KIAA0586: variants seen among roughly 807,000 people sequenced by gnomAD.
The protein encoded by KIAA0586 is KIAA0586, also known as protein TALPID3.
Under a neutral mutation model 169.8 loss-of-function variants are expected in KIAA0586, and 144 were observed. The ratio of observed to expected loss-of-function variants is 0.85; its 90% confidence interval spans 0.74 to 0.97. The LOEUF (loss-of-function observed/expected upper bound fraction) is 0.97. Among genes scored for constraint, KIAA0586 ranks in the 50% least tolerant of loss-of-function variants. The pLI, the probability that KIAA0586 is intolerant of heterozygous loss-of-function variation, is 0.00. For missense variants in KIAA0586, 1,854 were observed against 1,823.0 expected, an observed-to-expected ratio of 1.02 and a Z score of -0.31; for synonymous variants, 625 against 612.4, an observed-to-expected ratio of 1.02 and a Z score of -0.30.
Position 58,448,416 on chromosome 14 carries a change from A to G in KIAA0586, c.884A>G (p.Lys295Arg), listed in dbSNP as rs1177996997. The change falls in exon 7 of 31, where the codon AAG (lysine) becomes AGG (arginine). Residue 295 changes from lysine to arginine, a missense_variant. By Grantham distance (26) the Lys-to-Arg change is conservative (BLOSUM62 2). Transcript: ENST00000652326. ...ATGCCCTCCTCCAGAGCAGTGGAAA[A>G]GTATTCCGTAAAACCAGAACACCCT... ...VSMPSSRAVE[K>R]YSVKPEHPNL... The G allele has an allele frequency of 6.2e-7, 1 of 1,611,266 alleles. No homozygotes were observed. Among genetic ancestry groups the G allele is most frequent in the Non-Finnish European group, 8.5e-7 (1 of 1,177,552 alleles).
At chr14:58,521,733 G>T (rs564719424) in intron 29 of KIAA0586, 1 of 836,716 alleles carries the variant, frequency 1.2e-6, no homozygotes, top group Non-Finnish European at 2.1e-6. Flanking sequence ...AATTGAAAAG[G>T]AACAGGGGAA....
At chr14:58,475,546 A>C (rs932324489) in intron 19 of KIAA0586, among the ~76,000 whole-genome samples, 1 of 152,178 alleles carries the variant, frequency 6.6e-6, no homozygotes, top group African/African-American at 2.4e-5. Flanking sequence ...AACAAGCTGT[A>C]ATATGTTATT....
intron 4 of KIAA0586, chr14:58,441,125 C>T: frequency 4.7e-6 from 1 of 211,380 alleles, no homozygotes; most frequent in African/African-American, 2.3e-5. Flanking sequence ...TCAATTATAC[C>T]TCAGTAAAGT....
At chr14:58,494,637 T>C (rs1174296579) in intron 26 of KIAA0586, among the ~76,000 whole-genome samples, 1 of 152,092 alleles carries the variant, frequency 6.6e-6, no homozygotes, top group African/African-American at 2.4e-5. Context: ...GTCCCTGCTG[T>C]TTGCTGTTAC....
At chr14:58,499,741 T>C (rs2043424319) in intron 27 of KIAA0586, among the ~76,000 whole-genome samples, 1 of 151,668 alleles carries the variant, frequency 6.6e-6, no homozygotes, top group Middle Eastern at 3.2e-3. Context: ...GTATTTTTAT[T>C]AGAGACAGGG....
In KIAA0586 at chr14:58,515,409, G is replaced by A. The variant is rs370427696; in HGVS notation, c.4429+2782G>A. ...GCACCTTTTATACTCATATAGCTGT[G>A]ACAATAACTTTAAATATGTGAACAT... On this transcript the variant is annotated intron_variant, in intron 29 of 30. Transcript: ENST00000652326. Among the ~76,000 whole-genome samples the A allele has an allele frequency of 9.2e-5, 14 of 152,186 alleles. 1 individual carries two copies. Among genetic ancestry groups the A allele is most frequent in the Admixed American group, 8.5e-4 (13 of 15,264 alleles).
intron 22 of KIAA0586, 119 bp downstream of exon 22, chr14:58,487,285 T>A (rs1392043587): frequency 1.1e-6 from 1 of 898,244 alleles, no homozygotes; most frequent in Non-Finnish European, 1.6e-6. Flanking sequence ...CAAGGAAATT[T>A]AGGAATTGAT....
intron 29 of KIAA0586, among the ~76,000 whole-genome samples, chr14:58,531,718 A>G (rs2045980511): frequency 6.6e-6 from 1 of 152,228 alleles, no homozygotes; most frequent in Non-Finnish European, 1.5e-5. Flanking sequence ...ATTCTGCTAT[A>G]AAGACACATG....
chr14:58,539,518 C>A (rs559851798), intron 29 of KIAA0586, among the ~76,000 whole-genome samples: 13 of 152,260 alleles, frequency 8.5e-5, no homozygotes, highest in African/African-American at 2.9e-4. Flanking sequence ...AGTTAACTTT[C>A]CGATTCTCTG....
chr14:58,453,426 C>T lies in KIAA0586; in HGVS notation c.1206C>T (p.Thr402=), dbSNP rs779005063. 3.3e-6 allele frequency: 5 copies of T among 1,521,540 alleles called. No individual in the cohort carries two copies. Among genetic ancestry groups the T allele is most frequent in the East Asian group, 4.9e-5 (2 of 40,562 alleles). The allele number at this position is 1,521,540 out of a possible 1,614,324, so 94.3% of individuals were successfully genotyped here. Residue 402 remains threonine (T), a synonymous_variant, in exon 9 of 31, where the codon ACC becomes ACT. Transcript: ENST00000652326. ...LTRKSESSNT[T]SLTRSKIGWT... ...GAAAAAGTGAATCATCAAACACCACCTCACTAACTAGGTCAAAAATAGGAT... is the reference window on the plus strand; with the variant it reads ...GAAAAAGTGAATCATCAAACACCACTTCACTAACTAGGTCAAAAATAGGAT...
chr14:58,536,105 A>T (rs1019754253), intron 29 of KIAA0586, among the ~76,000 whole-genome samples: 4 of 152,112 alleles, frequency 2.6e-5, no homozygotes, highest in South Asian at 2.1e-4. Context: ...TCAATTTTTT[A>T]AAAATACCAA....
intron 21 of KIAA0586, among the ~76,000 whole-genome samples, chr14:58,486,422 A>C (rs981458658): frequency 2.6e-5 from 4 of 152,094 alleles, no homozygotes; most frequent in African/African-American, 9.7e-5. Flanking sequence ...ATATGAGTGC[A>C]TGTGTCTTTT....
rs1016362422 is a variant in KIAA0586 at position 58,446,429 on chromosome 14, A to T, written c.808-1911A>T. Among the ~76,000 whole-genome samples the T allele has an allele frequency of 1.6e-4, 24 of 152,028 alleles. No homozygotes were observed. In the East Asian group the frequency reaches 4.7e-3, roughly 30 times the overall value. On this transcript the variant is annotated intron_variant, in intron 6 of 30. Transcript: ENST00000652326. ...GGGGAATCACTTGAATCCGGAAGGC[A>T]GAGGTTGCAGTGAGTTGAGATTGGG... is the stretch of plus-strand genomic sequence containing the variant.
Position 58,445,126 on chromosome 14 carries a change from TACAC to T in KIAA0586, c.807+971_807+974del, listed in dbSNP as rs140476366. 9.8e-4 allele frequency among the ~76,000 whole-genome samples: 142 copies of T among 144,238 alleles called. No homozygotes were observed. The Middle Eastern group carries it at 0.018, about 18-fold the overall frequency. The allele number at this position is 144,238 out of a possible 152,430, so 94.6% of individuals were successfully genotyped here. On this transcript the variant is annotated intron_variant, in intron 6 of 30. Coordinates refer to ENST00000652326, the MANE Select transcript of KIAA0586 (RefSeq NM_001329943.3). ...AGAACTATATACACACACACATACATACACACACACACACACACACACATATACA... is the reference window on the plus strand; with the variant it reads ...AGAACTATATACACACACACATACATACACACACACACACACACATATACA...
At chr14:58,484,799 G>C (rs762443426) in intron 21 of KIAA0586, among the ~76,000 whole-genome samples, 2 of 142,602 alleles carry the variant, frequency 1.4e-5, no homozygotes, top group African/African-American at 5.2e-5. Flanking sequence ...ATCTTAATTT[G>C]CAACCCATAA....
At chr14:58,518,498 T>C (rs2044932775) in intron 29 of KIAA0586, among the ~76,000 whole-genome samples, 1 of 152,232 alleles carries the variant, frequency 6.6e-6, no homozygotes. Flanking sequence ...AAATTTTCTT[T>C]TTTAGATTTC....
At position 58,457,921 on chromosome 14, in the gene KIAA0586, A is replaced by G; in HGVS notation, c.1525A>G (p.Ile509Val). The change falls in exon 11 of 31, where the codon ATT (isoleucine) becomes GTT (valine). Residue 509 changes from isoleucine (I) to valine (V), a missense_variant. By Grantham distance (29) the Ile-to-Val change is conservative. Transcript: ENST00000652326. ...KVLEENLEAIIRAKDGAAMYS... is the reference protein window; with the variant it reads ...KVLEENLEAIVRAKDGAAMYS... ...ACTTGAAGAAAACCTGGAAGCTATTATTCGTGCAAAAGATGGAGCTGCCAT... is the reference window on the plus strand; with the variant it reads ...ACTTGAAGAAAACCTGGAAGCTATTGTTCGTGCAAAAGATGGAGCTGCCAT... 6.2e-7 allele frequency: 1 copy of G among 1,605,086 alleles called. No individual in the cohort carries two copies. Among genetic ancestry groups the G allele is most frequent in the Non-Finnish European group, 8.5e-7 (1 of 1,175,210 alleles).
At chr14:58,560,327 T>C in the KIAA0586 span, among the ~76,000 whole-genome samples, 583 of 152,242 alleles carry the variant, frequency 3.8e-3, 5 homozygotes, top group African/African-American at 0.013. Context: ...CACAGCTGAG[T>C]AATGGTGAGA....
chr14:58,507,447 G>T (rs2044077981), intron 27 of KIAA0586, among the ~76,000 whole-genome samples: 1 of 149,124 alleles, frequency 6.7e-6, no homozygotes, highest in African/African-American at 2.5e-5. Context: ...AACTCTTCAG[G>T]TCTATTTCTA....
Sources: allele counts gnomAD v4.1 joint callset (sites outside exome capture counted in the v4.1 genomes callset), GRCh38; gene constraint gnomAD v4.1.1; transcripts MANE v1.5; gene names NCBI Gene and HGNC (gene_info 2026-07-23, HGNC 2026-07-21).